SH3KBP1: variants seen among roughly 807,000 people sequenced by gnomAD.
The protein encoded by SH3KBP1 is SH3 domain-containing kinase-binding protein 1.
SH3KBP1 carries 8 observed loss-of-function variants against 50.1 expected under a neutral mutation model. The ratio of observed to expected loss-of-function variants is 0.16; its 90% CI spans 0.09 to 0.29. The LOEUF (loss-of-function observed/expected upper bound fraction) is 0.29. Ranked by LOEUF, SH3KBP1 falls within the 10% of genes least tolerant of loss-of-function variation. The pLI is 1.00. For missense variants in SH3KBP1, 377 were observed against 535.2 expected (o/e 0.70, Z 2.92); for synonymous variants, 227 against 218.6 (o/e 1.04, Z -0.34).
chrX:19,780,354 A>T (rs1167537472), intron 2 of SH3KBP1, among the ~76,000 whole-genome samples: 1 of 88,439 alleles, frequency 1.1e-5, no homozygotes, highest in East Asian at 3.6e-4. Context: ...CCTTTGTCAG[A>T]TGAGTAGGTT....
chrX:19,552,975 G>C (rs144639656), intron 13 of SH3KBP1, among the ~76,000 whole-genome samples: 137 of 111,165 alleles, frequency 1.2e-3, no homozygotes, highest in Middle Eastern at 4.6e-3. Context: ...TCTAACAGTG[G>C]GTCCTCCCAT....
chrX:19,676,278 T>G (rs1000643188), intron 6 of SH3KBP1, among the ~76,000 whole-genome samples: 9 of 110,504 alleles, frequency 8.1e-5, no homozygotes, highest in African/African-American at 2.3e-4. Flanking sequence ...GATCATCACC[T>G]TATTGACATG....
At chrX:19,546,182 C>A (rs2065078657) in intron 14 of SH3KBP1, 132 bp from the exon 15 acceptor site, 4 of 731,250 alleles carry the variant, frequency 5.5e-6, no homozygotes, top group Non-Finnish European at 7.9e-6. Flanking sequence ...CCCTGTGAGG[C>A]AAAAAAGTGT....
In SH3KBP1 at chrX:19,855,049, C is replaced by T. The variant is rs1209774054; in HGVS notation, c.5-18767G>A. 1.1e-4 allele frequency among the ~76,000 whole-genome samples: 12 copies of T among 111,231 alleles called. No homozygotes were observed. The Admixed American group carries it at 1.1e-3, about 11-fold the overall frequency. ...GGAGTGCAGTGGTGCGATGTCGGCT[C>T]ACTGCAACCTCTGCCTCCTGGGTTC... On this transcript the variant is annotated intron_variant, in intron 1 of 17. Coordinates refer to ENST00000397821, the MANE Select transcript of SH3KBP1 (RefSeq NM_031892.3).
At chrX:19,744,450 G>C (rs914042136) in intron 3 of SH3KBP1, among the ~76,000 whole-genome samples, 1 of 111,576 alleles carries the variant, frequency 9.0e-6, no homozygotes, top group African/African-American at 3.3e-5. Flanking sequence ...CCCTGGGCCT[G>C]GTACACAATG....
At chrX:19,717,851 C>T (rs1019593039) in intron 3 of SH3KBP1, among the ~76,000 whole-genome samples, 8 of 111,302 alleles carry the variant, frequency 7.2e-5, no homozygotes, top group South Asian at 3.7e-4. Context: ...CAAGAAATGA[C>T]GTATGTTTGA....
At chrX:19,708,047 AT>A (rs1320783922) in intron 3 of SH3KBP1, among the ~76,000 whole-genome samples, 2 of 113,083 alleles carry the variant, frequency 1.8e-5, no homozygotes, top group Non-Finnish European at 3.7e-5. Context: ...TGCTTAAATT[AT>A]TTTTTAGCAC....
At chrX:19,797,950 G>A (rs1052496343) in intron 2 of SH3KBP1, among the ~76,000 whole-genome samples, 1 of 110,224 alleles carries the variant, frequency 9.1e-6, no homozygotes, top group African/African-American at 3.3e-5. Flanking sequence ...CTTGACCGAC[G>A]TGCATGGTGG....
At chrX:19,668,980 T>TTTTTTGA (rs2062710047) in intron 6 of SH3KBP1, among the ~76,000 whole-genome samples, 1 of 69,092 alleles carries the variant, frequency 1.4e-5, no homozygotes, top group Non-Finnish European at 2.8e-5. Flanking sequence ...ATATATTTTT[T>TTTTTTGA]GAGACAGGCT....
At chrX:19,593,066 A>T (rs967869342) in intron 10 of SH3KBP1, among the ~76,000 whole-genome samples, 1 of 112,001 alleles carries the variant, frequency 8.9e-6, no homozygotes, top group Non-Finnish European at 1.9e-5. Context: ...CATTTTTTCA[A>T]ATGTACCACT....
At chrX:19,727,728 G>A (rs1415731950) in intron 3 of SH3KBP1, among the ~76,000 whole-genome samples, 1 of 112,528 alleles carries the variant, frequency 8.9e-6, no homozygotes, top group Non-Finnish European at 1.9e-5. Context: ...GCTCATGCCT[G>A]TAATCCCAGC....
At chrX:19,711,563 T>C (rs1027908694) in intron 3 of SH3KBP1, among the ~76,000 whole-genome samples, 1 of 110,633 alleles carries the variant, frequency 9.0e-6, no homozygotes, top group African/African-American at 3.3e-5. Context: ...ACTGAAAACT[T>C]CCAACACTTA....
intron 1 of SH3KBP1, among the ~76,000 whole-genome samples, chrX:19,845,410 A>G (rs2068342572): frequency 9.2e-6 from 1 of 108,480 alleles, no homozygotes; most frequent in African/African-American, 3.3e-5. Flanking sequence ...CCCAGGAGGC[A>G]GAGCTTGCAG....
chrX:19,775,002 C>A (rs979753820), intron 2 of SH3KBP1, among the ~76,000 whole-genome samples: 1 of 111,280 alleles, frequency 9.0e-6, no homozygotes, highest in African/African-American at 3.3e-5. Flanking sequence ...CAAGCCCTCT[C>A]TGTTTAGTAG....
At chrX:19,690,655 C>A (rs2063265204) in intron 5 of SH3KBP1, among the ~76,000 whole-genome samples, 1 of 112,170 alleles carries the variant, frequency 8.9e-6, no homozygotes, top group African/African-American at 3.2e-5. Flanking sequence ...AAATGTAAGG[C>A]AAAATATGTA....
At chrX:19,609,772 C>T (rs752297582) in intron 8 of SH3KBP1, among the ~76,000 whole-genome samples, 13 of 111,835 alleles carry the variant, frequency 1.2e-4, no homozygotes, top group Non-Finnish European at 2.3e-4. Flanking sequence ...ACCATTATAC[C>T]CCCAGCCATG....
chrX:19,877,971 A>G (rs1489436226), intron 1 of SH3KBP1, among the ~76,000 whole-genome samples: 1 of 112,005 alleles, frequency 8.9e-6, no homozygotes, highest in Non-Finnish European at 1.9e-5. Flanking sequence ...CCAACTGGAT[A>G]GTATTCCGTT....
intron 16 of SH3KBP1, among the ~76,000 whole-genome samples, chrX:19,538,115 C>T (rs917712601): frequency 1.8e-5 from 2 of 111,668 alleles, no homozygotes; most frequent in Non-Finnish European, 3.8e-5. Flanking sequence ...CTAGACTTCA[C>T]GTAACCTGTC....
At chrX:19,642,803 C>CT (rs771398459) in intron 7 of SH3KBP1, among the ~76,000 whole-genome samples, 24 of 105,511 alleles carry the variant, frequency 2.3e-4, no homozygotes, top group South Asian at 8.2e-4. Flanking sequence ...ATCATAAAAG[C>CT]TTTTTTTTTT....
Sources: gnomAD v4.1 joint callset for allele counts (sites outside exome capture counted in the v4.1 genomes callset) on GRCh38, gnomAD v4.1.1 for gene constraint, MANE v1.5 for transcripts, NCBI Gene and HGNC (gene_info 2026-07-23, HGNC 2026-07-21) for gene names.